MOB3B: variants seen among roughly 807,000 people sequenced by gnomAD.
MOB3B encodes MOB kinase activator 3B.
A neutral mutation model predicts 18.7 loss-of-function variants in MOB3B; 7 were observed. That is an observed-to-expected ratio of 0.37 (90% CI 0.21 to 0.70). MOB3B has a LOEUF of 0.70. Among genes scored for constraint, MOB3B ranks in the 30% least tolerant of loss-of-function variants. The pLI, the probability that MOB3B is intolerant of heterozygous loss-of-function variation, is 0.52. For synonymous variants in MOB3B, 111 were observed against 99.9 expected (o/e 1.11, Z -0.66); for missense variants, 253 against 281.3 (o/e 0.90, Z 0.72).
chr9:27,422,666 T>G (rs1369067283), intron 2 of MOB3B, among the ~76,000 whole-genome samples: 2 of 152,252 alleles, frequency 1.3e-5, no homozygotes, highest in Non-Finnish European at 2.9e-5. Context: ...CAGTCTCTGA[T>G]GAATATTAAT....
At chr9:27,495,898 C>G (rs1819890703) in intron 1 of MOB3B, among the ~76,000 whole-genome samples, 1 of 152,150 alleles carries the variant, frequency 6.6e-6, no homozygotes, top group East Asian at 1.9e-4. Flanking sequence ...CCAGAACTCC[C>G]TTTTCTCAAG....
At chr9:27,414,211 G>A (rs781652621) in intron 2 of MOB3B, among the ~76,000 whole-genome samples, 6 of 152,166 alleles carry the variant, frequency 3.9e-5, no homozygotes, top group Admixed American at 6.5e-5. Flanking sequence ...CTACATATAC[G>A]ATTAAATGGC....
rs58851638 is a variant in MOB3B, at chr9:27,357,888, CAAAAAAAAAAAAAAAAAA to C, written c.621+1128_621+1145del. Among the ~76,000 whole-genome samples the C allele has an allele frequency of 2.2e-4, 13 of 57,966 alleles. No homozygotes were observed. In the South Asian group the frequency reaches 4.6e-3, roughly 21 times the overall value. 38.0% of individuals were successfully genotyped at this position (57,966 alleles called of 152,430 possible). On this transcript the variant is annotated intron_variant, in intron 3 of 3. Coordinates refer to ENST00000262244, the MANE Select transcript of MOB3B (RefSeq NM_024761.5). The stretch of plus-strand genomic sequence containing the variant: ...TCAACATAATGAGATCCCATCGCTA[CAAAAAAAAAAAAAAAAAA>C]AAAAAAAAAAAAAAATAGCCATGCC...
At chr9:27,400,479 G>A (rs1161435518) in intron 2 of MOB3B, among the ~76,000 whole-genome samples, 2 of 152,138 alleles carry the variant, frequency 1.3e-5, no homozygotes, top group Non-Finnish European at 2.9e-5. Context: ...CAGGCACACA[G>A]TTACCTTTCA....
At chr9:27,446,699 TTG>T (rs1296643922) in intron 2 of MOB3B, among the ~76,000 whole-genome samples, 6 of 152,204 alleles carry the variant, frequency 3.9e-5, no homozygotes, top group Non-Finnish European at 8.8e-5. Flanking sequence ...TGTCCTAGCA[TTG>T]TGTCAGGGGC....
intron 1 of MOB3B, among the ~76,000 whole-genome samples, chr9:27,461,332 G>C (rs1019866638): frequency 2.6e-5 from 4 of 152,184 alleles, no homozygotes; most frequent in African/African-American, 9.7e-5. Flanking sequence ...CTTATGCACT[G>C]TTTACCTTAT....
chr9:27,379,094 CAAG>C (rs998423381), intron 2 of MOB3B, among the ~76,000 whole-genome samples: 5 of 152,124 alleles, frequency 3.3e-5, no homozygotes, highest in Admixed American at 1.3e-4. Context: ...TGGAGGTGTT[CAAG>C]AAGAAGCCCG....
At chr9:27,419,730 T>C (rs989651344) in intron 2 of MOB3B, among the ~76,000 whole-genome samples, 4 of 152,194 alleles carry the variant, frequency 2.6e-5, no homozygotes, top group African/African-American at 9.6e-5. Flanking sequence ...AAAAGCCTTC[T>C]AGCCATTGGC....
At chr9:27,381,292 T>A (rs1821573665) in intron 2 of MOB3B, among the ~76,000 whole-genome samples, 1 of 151,966 alleles carries the variant, frequency 6.6e-6, no homozygotes, top group African/African-American at 2.4e-5. Flanking sequence ...TCTGACACTC[T>A]ATTTCCCACA....
rs145804832 is a variant in MOB3B, at chr9:27,371,221, T to C, written c.419-11985A>G. On this transcript the variant is annotated intron_variant, in intron 2 of 3. Transcript: ENST00000262244. Reference sequence around the variant, plus strand: ...GGGGGCAAGGGAGAAGATAGCAATGTCATTGATCCTCTTTGTACAGTTGGG... The same window carrying C: ...GGGGGCAAGGGAGAAGATAGCAATGCCATTGATCCTCTTTGTACAGTTGGG... 1.8e-3 allele frequency among the ~76,000 whole-genome samples: 273 copies of C among 152,320 alleles called. 1 individual carries two copies. The highest frequency in any genetic ancestry group is 6.4e-3 in the African/African-American group (264 of 41,558).
intron 2 of MOB3B, among the ~76,000 whole-genome samples, chr9:27,420,634 G>T (rs572441802): frequency 1.5e-5 from 2 of 132,602 alleles, no homozygotes; most frequent in East Asian, 4.5e-4. Context: ...TGAATTAACA[G>T]CATTTGCAGT....
chr9:27,429,773 C>T (rs79372562), intron 2 of MOB3B, among the ~76,000 whole-genome samples: 65 of 152,284 alleles, frequency 4.3e-4, no homozygotes, highest in African/African-American at 1.4e-3. Context: ...TTCAAGGTCA[C>T]GAACTTGGAA....
intron 2 of MOB3B, among the ~76,000 whole-genome samples, chr9:27,405,093 CTTTTTTTTTTTTTTTT>C (rs74178386): frequency 4.1e-5 from 2 of 48,370 alleles, no homozygotes; most frequent in African/African-American, 8.8e-5. Context: ...GAACCTTTGT[CTTTTTTTTTTTTTTTT>C]TTTTTTTTTT....
At chr9:27,393,461 C>T (rs1380916539) in intron 2 of MOB3B, among the ~76,000 whole-genome samples, 1 of 151,766 alleles carries the variant, frequency 6.6e-6, no homozygotes, top group African/African-American at 2.4e-5. Flanking sequence ...TGTTGTGGAA[C>T]TCGAAGGACA....
chr9:27,478,960 T>C (rs1294551823), intron 1 of MOB3B, among the ~76,000 whole-genome samples: 1 of 152,024 alleles, frequency 6.6e-6, no homozygotes, highest in African/African-American at 2.4e-5. Context: ...GTGGTGGACT[T>C]TTCATCAATA....
At chr9:27,336,716 G>A (rs932614617) in intron 3 of MOB3B, among the ~76,000 whole-genome samples, 1 of 151,988 alleles carries the variant, frequency 6.6e-6, no homozygotes, top group Non-Finnish European at 1.5e-5. Flanking sequence ...CTACTAGGGG[G>A]AGGAGTTCAC....
At chr9:27,346,249 C>T (rs1409168411) in intron 3 of MOB3B, among the ~76,000 whole-genome samples, 1 of 152,180 alleles carries the variant, frequency 6.6e-6, no homozygotes, top group African/African-American at 2.4e-5. Context: ...GACTTCCCAG[C>T]CTCCAGAACT....
intron 2 of MOB3B, among the ~76,000 whole-genome samples, chr9:27,365,459 T>G (rs1243584148): frequency 6.7e-6 from 1 of 149,902 alleles, no homozygotes; most frequent in East Asian, 2.0e-4. Context: ...CAGTCCTAAC[T>G]GAAATAGATT....
At chr9:27,388,516 G>A (rs976117799) in intron 2 of MOB3B, among the ~76,000 whole-genome samples, 2 of 151,766 alleles carry the variant, frequency 1.3e-5, no homozygotes, top group East Asian at 1.9e-4. Context: ...TTGGTTACAT[G>A]AATAAATTCT....
Sources: allele counts gnomAD v4.1 joint callset (sites outside exome capture counted in the v4.1 genomes callset), GRCh38; gene constraint gnomAD v4.1.1; transcripts MANE v1.5; gene names NCBI Gene and HGNC (gene_info 2026-07-23, HGNC 2026-07-21).